RBFOX1: variants seen among roughly 807,000 people sequenced by gnomAD.
The protein encoded by RBFOX1 is RNA binding protein fox-1 homolog 1.
RBFOX1 carries 8 observed loss-of-function variants against 57.7 expected under a neutral mutation model. The ratio of observed to expected loss-of-function variants is 0.14; its 90% confidence interval spans 0.08 to 0.25. The LOEUF (loss-of-function observed/expected upper bound fraction) is 0.25, where lower values mean the gene tolerates loss of function less well. RBFOX1 is among the 10% of genes least tolerant of loss of function. The pLI is 1.00. For synonymous variants in RBFOX1, 326 were observed against 222.4 expected (o/e 1.47, Z -4.15); for missense variants, 611 against 548.5 (o/e 1.11, Z -1.14).
At chr16:7,262,750 G>T (rs1170731022) in intron 4 of RBFOX1, among the ~76,000 whole-genome samples, 1 of 152,272 alleles carries the variant, frequency 6.6e-6, no homozygotes, top group Non-Finnish European at 1.5e-5. Flanking sequence ...GGCATGCATG[G>T]ATGGCAGAAG....
intron 4 of RBFOX1, among the ~76,000 whole-genome samples, chr16:5,955,354 AT>A (rs1295202811): frequency 8.1e-3 from 88 of 10,844 alleles, no homozygotes; most frequent in African/African-American, 0.033. Flanking sequence ...AATAAAATAA[AT>A]AAAAATAAAA....
intron 4 of RBFOX1, among the ~76,000 whole-genome samples, chr16:7,236,432 G>T (rs546717988): frequency 1.3e-5 from 2 of 152,242 alleles, no homozygotes; most frequent in African/African-American, 2.4e-5. Context: ...CTGGCCTTCA[G>T]TTCTCCTCTC....
At chr16:7,336,026 A>T (rs1005995930) in intron 4 of RBFOX1, among the ~76,000 whole-genome samples, 1 of 152,210 alleles carries the variant, frequency 6.6e-6, no homozygotes, top group African/African-American at 2.4e-5. Context: ...CTTGATAGAG[A>T]TCCCGATGTT....
At chr16:6,933,070 G>C (rs893762685) in intron 3 of RBFOX1, among the ~76,000 whole-genome samples, 11 of 152,188 alleles carry the variant, frequency 7.2e-5, no homozygotes, top group Non-Finnish European at 1.2e-4. Context: ...CATTTGACAA[G>C]ATTTCTTCCC....
chr16:6,571,957 C>T (rs1276339196), intron 2 of RBFOX1, among the ~76,000 whole-genome samples: 1 of 152,118 alleles, frequency 6.6e-6, no homozygotes, highest in African/African-American at 2.4e-5. Context: ...TACAGTTGTA[C>T]TCCTTGCCTG....
intron 3 of RBFOX1, among the ~76,000 whole-genome samples, chr16:5,860,481 T>C (rs2057185305): frequency 6.6e-6 from 1 of 152,200 alleles, no homozygotes; most frequent in Admixed American, 6.5e-5. Context: ...TCAGTTTGTT[T>C]AAGAACTCAC....
intron 1 of RBFOX1, among the ~76,000 whole-genome samples, chr16:6,057,825 GTTTTTTTTTTT>G (rs34335596): frequency 2.5e-5 from 2 of 81,124 alleles, no homozygotes; most frequent in African/African-American, 1.1e-4. Flanking sequence ...TTTGCTATGG[GTTTTTTTTTTT>G]TTTTTTTTTT....
chr16:5,506,430 C>G (rs1256396797), intron 2 of RBFOX1, among the ~76,000 whole-genome samples: 1 of 152,162 alleles, frequency 6.6e-6, no homozygotes, highest in African/African-American at 2.4e-5. Context: ...TCCCAGCCTT[C>G]CAAGTTCAGG....
intron 1 of RBFOX1, among the ~76,000 whole-genome samples, chr16:5,283,570 C>T (rs2103297): frequency 0.32 from 48,356 of 151,986 alleles, 8,042 homozygotes; most frequent in South Asian, 0.43. Context: ...CCTCTTACAT[C>T]AGCATGACCT....
chr16:7,688,383 C>G (rs2076581612), intron 14 of RBFOX1, among the ~76,000 whole-genome samples: 1 of 151,782 alleles, frequency 6.6e-6, no homozygotes, highest in South Asian at 2.1e-4. Flanking sequence ...ATTAAGAAGC[C>G]AAATAATGAG....
At chr16:6,750,808 G>A (rs934845688) in intron 3 of RBFOX1, among the ~76,000 whole-genome samples, 8 of 152,298 alleles carry the variant, frequency 5.3e-5, no homozygotes, top group African/African-American at 1.9e-4. Flanking sequence ...AACATAAATA[G>A]TTAATAACAA....
rs138603221 is a variant in RBFOX1, at chr16:7,138,027, A to G, written c.27+85929A>G. ...TTAGGTAACTTGCCCGAGGTGACACAGCAGAGGAGCTGGAATTTTAGTCAC... is the reference window on the plus strand; with the variant it reads ...TTAGGTAACTTGCCCGAGGTGACACGGCAGAGGAGCTGGAATTTTAGTCAC... On this transcript the variant is annotated intron_variant, in intron 4 of 15. Transcript: ENST00000550418. 1.3e-4 allele frequency among the ~76,000 whole-genome samples: 20 copies of G among 152,324 alleles called. No individual in the cohort carries two copies. The East Asian group carries it at 3.9e-3, about 29-fold the overall frequency.
chr16:6,680,268 C>A (rs1430412696), intron 3 of RBFOX1, among the ~76,000 whole-genome samples: 2 of 117,392 alleles, frequency 1.7e-5, no homozygotes, highest in African/African-American at 6.4e-5. Flanking sequence ...TTGCTTTTCT[C>A]TCTCTCTTTT....
At chr16:6,854,826 C>T (rs940664479) in intron 3 of RBFOX1, among the ~76,000 whole-genome samples, 6 of 151,936 alleles carry the variant, frequency 3.9e-5, no homozygotes, top group Non-Finnish European at 1.5e-5. Flanking sequence ...CATCTCCTGA[C>T]CTCGTGATCC....
intron 2 of RBFOX1, among the ~76,000 whole-genome samples, chr16:5,598,417 C>G (rs953194311): frequency 3.9e-5 from 6 of 151,976 alleles, no homozygotes; most frequent in Non-Finnish European, 7.4e-5. Context: ...TGCAATTTAG[C>G]ATTTGCTGGT....
chr16:6,304,477 G>A (rs1298366410), intron 1 of RBFOX1, among the ~76,000 whole-genome samples: 1 of 152,104 alleles, frequency 6.6e-6, no homozygotes, highest in African/African-American at 2.4e-5. Context: ...TGCTAACGGA[G>A]GAGGAGGACA....
At chr16:7,389,432 A>G (rs1027079814) in intron 4 of RBFOX1, among the ~76,000 whole-genome samples, 6 of 152,146 alleles carry the variant, frequency 3.9e-5, no homozygotes, top group African/African-American at 1.2e-4. Flanking sequence ...AGCCAGATGT[A>G]ACTATTTAAT....
intron 4 of RBFOX1, among the ~76,000 whole-genome samples, chr16:7,423,747 C>T (rs968848820): frequency 1.3e-5 from 2 of 152,152 alleles, no homozygotes; most frequent in African/African-American, 4.8e-5. Flanking sequence ...GTATTGCACA[C>T]CTCTGTTCTG....
At chr16:7,378,343 A>T (rs979391276) in intron 4 of RBFOX1, among the ~76,000 whole-genome samples, 22 of 152,024 alleles carry the variant, frequency 1.4e-4, no homozygotes, top group Non-Finnish European at 3.1e-4. Flanking sequence ...CGGTTTAGGG[A>T]TTGAGAGTAT....
Sources: gnomAD v4.1 joint callset for allele counts (sites outside exome capture counted in the v4.1 genomes callset) on GRCh38, gnomAD v4.1.1 for gene constraint, MANE v1.5 for transcripts, NCBI Gene and HGNC (gene_info 2026-07-23, HGNC 2026-07-21) for gene names.